UST: variants seen among roughly 807,000 people sequenced by gnomAD.
UST encodes the protein uronyl 2-sulfotransferase.
A neutral mutation model predicts 45.6 loss-of-function variants in UST; 21 were observed. The observed-to-expected ratio is 0.46, with a 90% CI of 0.33 to 0.66. The LOEUF (loss-of-function observed/expected upper bound fraction) is 0.66. Among genes scored for constraint, UST ranks in the 30% least tolerant of loss-of-function variants. UST has a pLI of 0.02. For synonymous variants in UST, 215 were observed against 200.6 expected (o/e 1.07, Z -0.61); for missense variants, 463 against 512.4 (o/e 0.90, Z 0.93).
Position 148,769,343 on chromosome 6 carries a change from AGAGGTAT to A in UST, c.247+21667_247+21673del, listed in dbSNP as rs1274394754. Among the ~76,000 whole-genome samples the A allele has an allele frequency of 2.0e-5, 3 of 152,396 alleles. No homozygotes were observed. In the East Asian group the frequency reaches 5.8e-4, roughly 29 times the overall value. On this transcript the variant is annotated intron_variant, in intron 1 of 7. Transcript: ENST00000367463. ...TTAAAGGCCAACAAGATGGACCAGTAGAGGTATATTTTCTGTTTAGGAAATTACATTT... is the reference window on the plus strand; with the variant it reads ...TTAAAGGCCAACAAGATGGACCAGTAATTTTCTGTTTAGGAAATTACATTT...
At chr6:148,797,633 A>G (rs1776977924) in intron 1 of UST, among the ~76,000 whole-genome samples, 1 of 152,206 alleles carries the variant, frequency 6.6e-6, no homozygotes, top group Admixed American at 6.5e-5. Context: ...TGGAAAATGT[A>G]TCCTTCGAAT....
intron 5 of UST, among the ~76,000 whole-genome samples, chr6:148,978,839 A>AT (rs149224452): frequency 4.6e-5 from 7 of 151,798 alleles, no homozygotes; most frequent in East Asian, 1.9e-4. Flanking sequence ...TAAGGTAAAA[A>AT]TTTTTTTAAA....
intron 2 of UST, among the ~76,000 whole-genome samples, chr6:148,929,026 G>C (rs912743879): frequency 4.6e-5 from 7 of 152,196 alleles, no homozygotes; most frequent in Non-Finnish European, 8.8e-5. Flanking sequence ...TGGATCCTTC[G>C]CACATGTTGA....
At chr6:149,020,994 T>G (rs541215788) in intron 6 of UST, among the ~76,000 whole-genome samples, 1 of 152,368 alleles carries the variant, frequency 6.6e-6, no homozygotes, top group East Asian at 1.9e-4. Context: ...ACCATTCTAC[T>G]CACCCCTTGA....
intron 1 of UST, among the ~76,000 whole-genome samples, chr6:148,871,202 C>T (rs184162187): frequency 6.6e-6 from 1 of 151,324 alleles, no homozygotes; most frequent in African/African-American, 2.4e-5. Flanking sequence ...CTCTTTCTGT[C>T]ATGTGAGGAC....
In UST at chr6:149,075,779, C is replaced by G. The variant is rs990292815; in HGVS notation, c.*1663C>G. ...ATTTTGTCTATTTCATATTTGTCCC[C>G]TAGAGCCAGCCCTAGCAAATGTGTG... is the stretch of plus-strand genomic sequence containing the variant. On this transcript the variant is annotated 3_prime_UTR_variant, in exon 8 of 8. Coordinates refer to ENST00000367463, the MANE Select transcript of UST (RefSeq NM_005715.3). 2.6e-5 allele frequency: 4 copies of G among 152,360 alleles called. No individual in the cohort carries two copies. The highest frequency in any genetic ancestry group is 9.6e-5 in the African/African-American group (4 of 41,552). 9.4% of individuals were successfully genotyped at this position (152,360 alleles called of 1,614,324 possible).
intron 5 of UST, among the ~76,000 whole-genome samples, chr6:149,011,542 C>G (rs2115013704): frequency 6.6e-6 from 1 of 152,298 alleles, no homozygotes; most frequent in South Asian, 2.1e-4. Flanking sequence ...TGTATGCTGA[C>G]AATTCCAAAG....
intron 1 of UST, among the ~76,000 whole-genome samples, chr6:148,825,388 A>G (rs929262922): frequency 3.3e-5 from 5 of 152,330 alleles, no homozygotes; most frequent in Non-Finnish European, 4.4e-5. Context: ...CACATTGTTA[A>G]TTAAACAGTG....
In UST at chr6:149,065,143, C is replaced by A. The variant is rs58222661; in HGVS notation, c.938-8690C>A. 1.2e-4 allele frequency among the ~76,000 whole-genome samples: 18 copies of A among 152,258 alleles called. No homozygotes were observed. The East Asian group carries it at 3.1e-3, about 26-fold the overall frequency. On this transcript the variant is annotated intron_variant, in intron 7 of 7. Coordinates refer to ENST00000367463, the MANE Select transcript of UST (RefSeq NM_005715.3). ...AATCCGACAGTATGTGCTCACCTAACGAGGGCTTCTTCCCTTCCCAAGGAA... is the reference window on the plus strand; with the variant it reads ...AATCCGACAGTATGTGCTCACCTAAAGAGGGCTTCTTCCCTTCCCAAGGAA...
chr6:148,989,097 G>A (rs770061084), intron 5 of UST, among the ~76,000 whole-genome samples: 1 of 152,078 alleles, frequency 6.6e-6, no homozygotes, highest in Non-Finnish European at 1.5e-5. Flanking sequence ...AACACAAGAG[G>A]CACATAATTC....
intron 1 of UST, among the ~76,000 whole-genome samples, chr6:148,795,532 G>A (rs1776932359): frequency 6.6e-6 from 1 of 152,002 alleles, no homozygotes; most frequent in Non-Finnish European, 1.5e-5. Context: ...GTCTTAAAAA[G>A]CTTTTTTTCT....
intron 5 of UST, among the ~76,000 whole-genome samples, chr6:149,007,540 G>A (rs1241136996): frequency 2.7e-5 from 4 of 150,152 alleles, no homozygotes; most frequent in Admixed American, 6.6e-5. Context: ...CGCCCGTCTC[G>A]GCCTCCCAAA....
At chr6:148,963,255 G>C (rs1212404421) in intron 4 of UST, among the ~76,000 whole-genome samples, 5 of 152,166 alleles carry the variant, frequency 3.3e-5, no homozygotes, top group Admixed American at 3.3e-4. Flanking sequence ...TTTTCTCTTA[G>C]TTCTTTCTGA....
At chr6:149,034,611 T>C (rs1175305320) in intron 7 of UST, among the ~76,000 whole-genome samples, 1 of 152,118 alleles carries the variant, frequency 6.6e-6, no homozygotes, top group African/African-American at 2.4e-5. Context: ...AACACAGCTT[T>C]ACTGCAGCTT....
chr6:148,766,576 T>C (rs17645399), intron 1 of UST, among the ~76,000 whole-genome samples: 21,904 of 152,150 alleles, frequency 0.14, 1,762 homozygotes, highest in Middle Eastern at 0.17. Flanking sequence ...AGATCCCGTA[T>C]GAGGTGTGTT....
chr6:148,856,316 G>A (rs1014051651), intron 1 of UST, among the ~76,000 whole-genome samples: 2 of 152,050 alleles, frequency 1.3e-5, no homozygotes, highest in Non-Finnish European at 2.9e-5. Context: ...GTGGCCAGCC[G>A]AAAAATATGT....
At chr6:148,969,732 A>G (rs1780876395) in intron 5 of UST, among the ~76,000 whole-genome samples, 1 of 152,200 alleles carries the variant, frequency 6.6e-6, no homozygotes, top group Admixed American at 6.5e-5. Context: ...CCTGGGGCTC[A>G]GGACATACTG....
chr6:148,760,537 A>G (rs1776194776), intron 1 of UST, among the ~76,000 whole-genome samples: 1 of 152,164 alleles, frequency 6.6e-6, no homozygotes, highest in South Asian at 2.1e-4. Context: ...TAAAATGACT[A>G]TTATGTCTAC....
chr6:148,848,921 C>T (rs969586690), intron 1 of UST, among the ~76,000 whole-genome samples: 8 of 152,028 alleles, frequency 5.3e-5, no homozygotes, highest in South Asian at 2.1e-4. Context: ...CTGTCACTTT[C>T]GGTTTGAGGC....
Sources: allele counts gnomAD v4.1 joint callset (sites outside exome capture counted in the v4.1 genomes callset), GRCh38; gene constraint gnomAD v4.1.1; transcripts MANE v1.5; gene names NCBI Gene and HGNC (gene_info 2026-07-23, HGNC 2026-07-21).